Variants in AXDND1 observed in about 807,000 individuals in gnomAD.
AXDND1 encodes the protein axonemal dynein light chain domain containing 1, also known as axonemal dynein light chain domain-containing protein 1.
In AXDND1, 110 loss-of-function variants were observed where a neutral mutation model predicts 137.5. The observed-to-expected ratio is 0.80, with a 90% CI of 0.69 to 0.94. The LOEUF (loss-of-function observed/expected upper bound fraction) is 0.94, where lower values mean the gene tolerates loss of function less well. Ranked by LOEUF, AXDND1 falls within the 40% of genes least tolerant of loss-of-function variation. The probability of loss-of-function intolerance (pLI) is 0.00; values close to 1 mark genes in which losing one functional copy is unlikely to be tolerated. For missense variants in AXDND1, 1,191 were observed against 1,169.8 expected (o/e 1.02, Z -0.26); for synonymous variants, 414 against 399.7 (o/e 1.04, Z -0.43).
In AXDND1 at chr1:179,488,668, TTTCTTTCTTTC is replaced by T. The variant is rs1289281286; in HGVS notation, c.2092-2867_2092-2857del. Among the ~76,000 whole-genome samples, 15 of 137,584 alleles carry T rather than the reference TTTCTTTCTTTC, an allele frequency of 1.1e-4. 3 individuals carry two copies. The highest frequency in any genetic ancestry group is 4.4e-4 in the South Asian group (2 of 4,514). The allele number at this position is 137,584 out of a possible 152,430, so 90.3% of individuals were successfully genotyped here. A position where few individuals can be genotyped will look rare whatever the true frequency, so the allele number is the denominator to read the frequency against. On this transcript the variant is annotated intron_variant, in intron 18 of 25. Transcript: ENST00000367618. ...CTTTCTTTCTTTCTTTCTTTCTTTCTTTCTTTCTTTCTTTCTTTCTTTCTTTCTTTCCTCTC... is the reference window on the plus strand; with the variant it reads ...CTTTCTTTCTTTCTTTCTTTCTTTCTTTTCTTTCTTTCTTTCTTTCCTCTC...
At chr1:179,381,499 A>G (rs1304939647) in intron 6 of AXDND1, among the ~76,000 whole-genome samples, 6 of 151,214 alleles carry the variant, frequency 4.0e-5, no homozygotes. Flanking sequence ...GCCTGCCACC[A>G]TGCCCAGCTA....
chr1:179,471,693 C>T (rs1195226636), intron 17 of AXDND1, among the ~76,000 whole-genome samples: 2 of 151,840 alleles, frequency 1.3e-5, no homozygotes, highest in Non-Finnish European at 2.9e-5. Context: ...TTTTTCTATT[C>T]TCTATTGTAT....
At chr1:179,444,820 T>C (rs1659495083) in intron 15 of AXDND1, 150 bp from the exon 16 acceptor site, 6 of 442,018 alleles carry the variant, frequency 1.4e-5, no homozygotes, top group African/African-American at 2.0e-5. Flanking sequence ...AAATAAGATA[T>C]ATGTCATATA....
intron 12 of AXDND1, among the ~76,000 whole-genome samples, chr1:179,420,761 T>C (rs1450983037): frequency 6.6e-6 from 1 of 152,026 alleles, no homozygotes; most frequent in Non-Finnish European, 1.5e-5. Context: ...TTGCTGGGAT[T>C]ACAGGTGCCC....
intron 23 of AXDND1, among the ~76,000 whole-genome samples, chr1:179,530,799 G>T (rs963327078): frequency 4.6e-5 from 7 of 152,156 alleles, no homozygotes; most frequent in Non-Finnish European, 1.0e-4. Flanking sequence ...AAGCCAAGAA[G>T]AATCACATTC....
intron 4 of AXDND1, among the ~76,000 whole-genome samples, chr1:179,377,290 G>A (rs1168287936): frequency 6.6e-6 from 1 of 152,178 alleles, no homozygotes; most frequent in Non-Finnish European, 1.5e-5. Flanking sequence ...TTCCATGAGG[G>A]TAGGAACTTT....
At chr1:179,427,540 G>A (rs191327924) in intron 12 of AXDND1, among the ~76,000 whole-genome samples, 2 of 152,244 alleles carry the variant, frequency 1.3e-5, no homozygotes, top group South Asian at 2.1e-4. Flanking sequence ...ATATCTCAAC[G>A]ATTGAGAATG....
intron 9 of AXDND1, among the ~76,000 whole-genome samples, chr1:179,393,309 C>T (rs1377469692): frequency 6.6e-6 from 1 of 152,192 alleles, no homozygotes; most frequent in Non-Finnish European, 1.5e-5. Flanking sequence ...ATTCTCTAGT[C>T]TGTTCCGTTG....
At chr1:179,447,923 G>A in intron 16 of AXDND1, 2 of 1,372,090 alleles carry the variant, frequency 1.5e-6, no homozygotes, top group African/African-American at 1.4e-5. Context: ...GGTGGAGAGA[G>A]CGTGTTTAAA....
Position 179,554,721 on chromosome 1 carries a change from A to C in AXDND1, c.*202A>C, listed in dbSNP as rs1673813943. The C allele has an allele frequency of 1.4e-6, 1 of 709,536 alleles. No homozygotes were observed. Among genetic ancestry groups the C allele is most frequent in the Admixed American group, 2.3e-5 (1 of 43,460 alleles). The allele number at this position is 709,536 out of a possible 1,614,324, so 44.0% of individuals were successfully genotyped here. A position where few individuals can be genotyped will look rare whatever the true frequency, so the allele number is the denominator to read the frequency against. On this transcript the variant is annotated 3_prime_UTR_variant, in exon 26 of 26. Transcript: ENST00000367618. ...ACTTGCATGGTGCCACCCAATAAAT[A>C]TCTGTGCAATTGAAGATGGTGTGGT... is the stretch of plus-strand genomic sequence containing the variant.
intron 25 of AXDND1, chr1:179,551,624 TAAAC>T: frequency 1.5e-6 from 1 of 689,598 alleles, no homozygotes; most frequent in Admixed American, 2.5e-5. Flanking sequence ...GGAGACAGAT[TAAAC>T]TGTTAATCAC....
At chr1:179,421,336 T>C (rs1286618677) in intron 12 of AXDND1, among the ~76,000 whole-genome samples, 7 of 146,566 alleles carry the variant, frequency 4.8e-5, no homozygotes, top group Non-Finnish European at 2.9e-5. Flanking sequence ...CTTCCTTCCT[T>C]TCTTCCTTCC....
At chr1:179,460,768 T>C (rs1023137971) in intron 16 of AXDND1, among the ~76,000 whole-genome samples, 2 of 152,246 alleles carry the variant, frequency 1.3e-5, no homozygotes, top group Non-Finnish European at 2.9e-5. Context: ...TGGTATCTCA[T>C]TGTGGTTTTG....
At position 179,492,852 on chromosome 1, in the gene AXDND1, C is replaced by T. The variant is rs185723065; in HGVS notation, c.2292-3C>T. Reference sequence around the variant, plus strand: ...CTTTTTCTTTTTTTCCCCCTTTTTGCAGTTGTTGCAAAGGGATGGTAACAG... The same window carrying T: ...CTTTTTCTTTTTTTCCCCCTTTTTGTAGTTGTTGCAAAGGGATGGTAACAG... On this transcript the variant is annotated splice_region_variant and splice_polypyrimidine_tract_variant and intron_variant, in intron 19 of 25. Coordinates refer to ENST00000367618, the MANE Select transcript of AXDND1 (RefSeq NM_144696.6). 38 of 1,580,926 alleles carry T rather than the reference C, an allele frequency of 2.4e-5. No homozygotes were observed. The highest frequency in any genetic ancestry group is 3.4e-6 in the Non-Finnish European group (4 of 1,165,588).
chr1:179,378,885 C>G (rs1183130967), intron 5 of AXDND1, 128 bp downstream of exon 5: 14 of 711,370 alleles, frequency 2.0e-5, no homozygotes, highest in Non-Finnish European at 2.5e-5. Flanking sequence ...CATTGCTCAC[C>G]AATCTTCATA....
chr1:179,432,451 TCTCA>T (rs1657525324), intron 15 of AXDND1, 109 bp downstream of exon 15: 3 of 1,367,232 alleles, frequency 2.2e-6, no homozygotes, highest in Non-Finnish European at 2.9e-6. Context: ...TGGGACGTTG[TCTCA>T]CTCACTGTCG....
intron 21 of AXDND1, among the ~76,000 whole-genome samples, chr1:179,519,910 C>T (rs1669896815): frequency 6.6e-6 from 1 of 152,046 alleles, no homozygotes; most frequent in Non-Finnish European, 1.5e-5. Flanking sequence ...TAGTTTTTTT[C>T]TAGTTCTGTG....
Position 179,454,410 on chromosome 1 carries a change from C to T in AXDND1, c.1798+9206C>T, listed in dbSNP as rs181107058. 2.7e-3 allele frequency: 419 copies of T among 152,712 alleles called. 3 individuals are homozygous for T. Among genetic ancestry groups the T allele is most frequent in the Non-Finnish European group, 4.9e-3 (335 of 68,396 alleles). The allele number at this position is 152,712 out of a possible 1,614,324, so 9.5% of individuals were successfully genotyped here. A position where few individuals can be genotyped will look rare whatever the true frequency, so the allele number is the denominator to read the frequency against. ...TGTAAGTCCATTAAACCTCTTTCTT[C>T]TGTGAATTGCCCAGTCTCGGGTATG... is the stretch of plus-strand genomic sequence containing the variant. On this transcript the variant is annotated intron_variant, in intron 16 of 25. Coordinates refer to ENST00000367618, the MANE Select transcript of AXDND1 (RefSeq NM_144696.6).
At chr1:179,433,745 A>G (rs1167010791) in intron 15 of AXDND1, among the ~76,000 whole-genome samples, 1 of 152,072 alleles carries the variant, frequency 6.6e-6, no homozygotes, top group Non-Finnish European at 1.5e-5. Flanking sequence ...TTATGATTTC[A>G]GTTCTTTTGC....
Sources: allele counts gnomAD v4.1 joint callset (sites outside exome capture counted in the v4.1 genomes callset), GRCh38; gene constraint gnomAD v4.1.1; transcripts MANE v1.5; gene names NCBI Gene and HGNC (gene_info 2026-07-23, HGNC 2026-07-21).